The following NINL variants were observed in gnomAD, a reference collection of about 807,000 sequenced individuals.
NINL encodes the protein ninein like, also known as ninein-like protein.
In NINL, 153 loss-of-function variants were observed where a neutral mutation model predicts 160.3. The ratio of observed to expected loss-of-function variants is 0.95; its 90% confidence interval spans 0.84 to 1.09. NINL has a LOEUF of 1.09. Among genes scored for constraint, NINL ranks in the 50% least tolerant of loss-of-function variants. The pLI, the probability that NINL is intolerant of heterozygous loss-of-function variation, is 0.00. For missense variants in NINL, 1,829 were observed against 1,764.0 expected, an observed-to-expected ratio of 1.04 and a Z score of -0.66; for synonymous variants, 800 against 734.8, an observed-to-expected ratio of 1.09 and a Z score of -1.43.
At position 25,467,376 on chromosome 20, in the gene NINL, G is replaced by A. The variant is rs143523790; in HGVS notation, c.3423+13C>T. 1.4e-4 allele frequency: 221 copies of A among 1,604,658 alleles called. 1 individual carries two copies. The East Asian group carries it at 3.2e-3, about 23-fold the overall frequency. On this transcript the variant is annotated intron_variant, in intron 19 of 23. Coordinates refer to ENST00000278886, the MANE Select transcript of NINL (RefSeq NM_025176.6). ...TGGTGGCATGAGCTCCATGCCAGGC[G>A]TCGATACGTCACCTGTCTGTTGAGC...
intron 1 of NINL, among the ~76,000 whole-genome samples, chr20:25,565,801 G>A (rs1218396671): frequency 6.6e-6 from 1 of 152,108 alleles, no homozygotes; most frequent in East Asian, 1.9e-4. Context: ...ATCTGCTGGG[G>A]GCCTGGAGAG....
At chr20:25,529,775 A>G (rs906077060) in intron 1 of NINL, among the ~76,000 whole-genome samples, 2 of 152,184 alleles carry the variant, frequency 1.3e-5, no homozygotes, top group Non-Finnish European at 2.9e-5. Context: ...CAGGAAGTCG[A>G]GGCTGCAGTG....
At chr20:25,550,764 T>C (rs2064798377) in intron 1 of NINL, among the ~76,000 whole-genome samples, 1 of 152,228 alleles carries the variant, frequency 6.6e-6, no homozygotes, top group Admixed American at 6.5e-5. Context: ...AGGCGGTTTT[T>C]TCCTATCTCA....
At chr20:25,467,558 C>A in intron 18 of NINL, 100 bp from the exon 19 acceptor site, 1 of 900,966 alleles carries the variant, frequency 1.1e-6, no homozygotes, top group South Asian at 1.3e-5. Context: ...GGGTTTGTAG[C>A]CACAGCAGAG....
intron 1 of NINL, among the ~76,000 whole-genome samples, chr20:25,564,019 C>A (rs73337362): frequency 1.3e-5 from 2 of 152,058 alleles, no homozygotes; most frequent in African/African-American, 2.4e-5. Context: ...AGGAGACCAA[C>A]CCGAGCAACA....
At chr20:25,528,208 T>A (rs2064391597) in intron 1 of NINL, among the ~76,000 whole-genome samples, 1 of 152,038 alleles carries the variant, frequency 6.6e-6, no homozygotes, top group Non-Finnish European at 1.5e-5. Context: ...TTATTTAAAA[T>A]TTTTTTACCA....
At chr20:25,500,439 A>C (rs1382792089) in intron 8 of NINL, among the ~76,000 whole-genome samples, 1 of 152,192 alleles carries the variant, frequency 6.6e-6, no homozygotes, top group Non-Finnish European at 1.5e-5. Flanking sequence ...CAGGGGCTCC[A>C]GGAGAGTCCG....
At chr20:25,510,618 G>A in intron 5 of NINL, 56 bp downstream of exon 5, 1 of 1,503,900 alleles carries the variant, frequency 6.6e-7, no homozygotes, top group East Asian at 2.3e-5. Context: ...CGGCTGTTCA[G>A]CTTTCAAAGC....
intron 1 of NINL, chr20:25,540,066 G>C (rs2064636386): frequency 6.2e-6 from 8 of 1,284,990 alleles, no homozygotes; most frequent in Non-Finnish European, 7.1e-6. Context: ...CATGCAAACT[G>C]AATTATTAAT....
rs1568915676 is a variant in NINL, at chr20:25,498,336, A to T, written c.1043T>A (p.Phe348Tyr). 1 of 1,612,832 alleles carries T rather than the reference A, an allele frequency of 6.2e-7. No individual in the cohort carries two copies. The highest frequency in any genetic ancestry group is 8.5e-7 in the Non-Finnish European group (1 of 1,179,998). Reference protein sequence around the residue: ...NGREILQSLDFSVDEKVNLLE... With the variant: ...NGREILQSLDYSVDEKVNLLE... ...AAGGTTCACCTTCTCGTCCACGCTG[A>T]AGTCCAGGCTCTGGAAGCAGCAAGC... The change falls in exon 9 of 24, where the codon TTC becomes TAC. Residue 348 changes from phenylalanine (F) to tyrosine (Y), a missense_variant. By Grantham distance (22) the Phe-to-Tyr change is conservative. Coordinates refer to ENST00000278886, the MANE Select transcript of NINL (RefSeq NM_025176.6).
intron 3 of NINL, 65 bp from the exon 4 acceptor site, chr20:25,513,071 C>A: frequency 6.6e-7 from 1 of 1,510,648 alleles, no homozygotes; most frequent in Admixed American, 2.0e-5. Context: ...TGCAGGCCAG[C>A]AGGTACCCTC....
intron 18 of NINL, among the ~76,000 whole-genome samples, chr20:25,468,603 T>C (rs1446535784): frequency 8.0e-5 from 7 of 87,070 alleles, no homozygotes; most frequent in South Asian, 4.6e-4. Context: ...TGCCCCTCTG[T>C]CCTGTCCCCT....
intron 1 of NINL, among the ~76,000 whole-genome samples, chr20:25,530,563 T>A (rs1410745339): frequency 6.6e-6 from 1 of 152,068 alleles, no homozygotes; most frequent in African/African-American, 2.4e-5. Context: ...ATATTTCACA[T>A]AGGTTCTTTT....
chr20:25,561,714 GC>G (rs1023661813), intron 1 of NINL, among the ~76,000 whole-genome samples: 6 of 150,802 alleles, frequency 4.0e-5, no homozygotes, highest in African/African-American at 1.5e-4. Context: ...GAGCGCCTCG[GC>G]CCGGCCGCGA....
rs1187009321 is a variant in NINL at position 25,510,752 on chromosome 20, T to C, written c.451-12A>G. ...TCTGACTTGGGACTCTGTAGAAAGA[T>C]GCAGAGAGAAGGCTGTGAGTTCCAG... On this transcript the variant is annotated splice_polypyrimidine_tract_variant and intron_variant, in intron 4 of 23. Coordinates refer to ENST00000278886, the MANE Select transcript of NINL (RefSeq NM_025176.6). 12 of 1,608,998 alleles carry C rather than the reference T, an allele frequency of 7.5e-6. No homozygotes were observed. The highest frequency in any genetic ancestry group is 1.7e-5 in the Admixed American group (1 of 59,754).
intron 1 of NINL, among the ~76,000 whole-genome samples, chr20:25,582,028 G>T (rs566589470): frequency 2.0e-5 from 3 of 151,910 alleles, no homozygotes; most frequent in Non-Finnish European, 4.4e-5. Context: ...GAGGCCGAGC[G>T]GGGTGGATCA....
rs1022366463 is a variant in NINL at position 25,481,889 on chromosome 20, C to T, written c.1810+79G>A. 47 of 1,536,188 alleles carry T rather than the reference C, an allele frequency of 3.1e-5. No individual in the cohort carries two copies. In the African/African-American group the frequency reaches 6.0e-4, roughly 20 times the overall value. The stretch of plus-strand genomic sequence containing the variant: ...AGCAACATCATCATCTTCATCATCT[C>T]CACTCTCTTTTCCTGGCTCTGGGCC... On this transcript the variant is annotated intron_variant, in intron 14 of 23. Coordinates refer to ENST00000278886, the MANE Select transcript of NINL (RefSeq NM_025176.6).
At chr20:25,489,023 T>C (rs1227545823) in intron 13 of NINL, 2 of 563,326 alleles carry the variant, frequency 3.6e-6, no homozygotes, top group East Asian at 5.7e-5. Flanking sequence ...AAGACAACAA[T>C]GCCCTGCATG....
chr20:25,498,107 G>T, intron 9 of NINL, 103 bp downstream of exon 9: 1 of 1,374,412 alleles, frequency 7.3e-7, no homozygotes, highest in Non-Finnish European at 1.0e-6. Context: ...TGGCCATGTG[G>T]GGTGGATAAG....
Sources: gnomAD v4.1 joint callset for allele counts (sites outside exome capture counted in the v4.1 genomes callset) on GRCh38, gnomAD v4.1.1 for gene constraint, MANE v1.5 for transcripts, NCBI Gene and HGNC (gene_info 2026-07-23, HGNC 2026-07-21) for gene names.